TMEM267: variants seen among roughly 807,000 people sequenced by gnomAD.
The protein encoded by TMEM267 is transmembrane protein 267.
Under a neutral mutation model 19.3 loss-of-function variants are expected in TMEM267, and 20 were observed. The ratio of observed to expected loss-of-function variants is 1.04; its 90% confidence interval spans 0.73 to 1.51. The LOEUF (loss-of-function observed/expected upper bound fraction) is 1.51, where lower values mean the gene tolerates loss of function less well. TMEM267 is among the 40% of genes most tolerant of loss of function. The pLI, the probability that TMEM267 is intolerant of heterozygous loss-of-function variation, is 0.00. For missense variants in TMEM267, 242 were observed against 261.9 expected (o/e 0.92, Z 0.52); for synonymous variants, 88 against 90.3 (o/e 0.97, Z 0.15).
At chr5:43,468,753 C>T (rs1161785700) in intron 1 of TMEM267, among the ~76,000 whole-genome samples, 1 of 152,186 alleles carries the variant, frequency 6.6e-6, no homozygotes, top group African/African-American at 2.4e-5. Context: ...ATTTACAGAA[C>T]ATTTCATCTA....
intron 1 of TMEM267, among the ~76,000 whole-genome samples, chr5:43,471,041 G>C (rs1579821324): frequency 6.6e-6 from 1 of 151,498 alleles, no homozygotes; most frequent in Non-Finnish European, 1.5e-5. Context: ...ACTTTAGCCA[G>C]ACTAAGAAAA....
intron 1 of TMEM267, among the ~76,000 whole-genome samples, chr5:43,471,264 A>G (rs960404731): frequency 6.6e-6 from 1 of 152,144 alleles, no homozygotes; most frequent in African/African-American, 2.4e-5. Context: ...TGGAAAGTAT[A>G]AAACAGTGAA....
intron 1 of TMEM267, among the ~76,000 whole-genome samples, chr5:43,482,477 C>T (rs1384619129): frequency 1.3e-5 from 2 of 152,156 alleles, no homozygotes; most frequent in African/African-American, 4.8e-5. Flanking sequence ...ACTCCCGAAC[C>T]TCCTTTTACA....
intron 1 of TMEM267, among the ~76,000 whole-genome samples, chr5:43,474,759 CA>C (rs1175355175): frequency 5.4e-3 from 310 of 57,464 alleles, no homozygotes; most frequent in South Asian, 7.2e-3. Flanking sequence ...AACTCTGTCT[CA>C]AAAAAAAAAA....
intron 1 of TMEM267, among the ~76,000 whole-genome samples, chr5:43,463,166 T>C (rs1221302741): frequency 2.0e-5 from 3 of 152,162 alleles, no homozygotes; most frequent in African/African-American, 4.8e-5. Flanking sequence ...AACACCTCTA[T>C]GCAAATAAAC....
intron 2 of TMEM267, among the ~76,000 whole-genome samples, chr5:43,447,899 G>A (rs6870018): frequency 0.55 from 83,282 of 151,958 alleles, 24,382 homozygotes; most frequent in African/African-American, 0.72. Flanking sequence ...CTTAAGAGTG[G>A]ACCTTCAAGA....
intron 1 of TMEM267, chr5:43,454,491 A>C (rs1023719908): frequency 6.6e-6 from 1 of 152,488 alleles, no homozygotes; most frequent in African/African-American, 2.4e-5. Flanking sequence ...AATGGTGACT[A>C]ATCTAGTAAT....
At chr5:43,468,074 C>T (rs1469491338) in intron 1 of TMEM267, among the ~76,000 whole-genome samples, 1 of 151,194 alleles carries the variant, frequency 6.6e-6, no homozygotes, top group Non-Finnish European at 1.5e-5. Context: ...TTCTCTCGGC[C>T]CTGAGGAAGG....
At position 43,446,575 on chromosome 5, in the gene TMEM267, T is replaced by G. The variant is rs375909375; in HGVS notation, c.313-18A>C. On this transcript the variant is annotated intron_variant, in intron 2 of 2. Transcript: ENST00000397080. ...AAAGCAGCCTGAGGGAGCAAAGTAA[T>G]AGCGAGTATCATTTCCTTTCTAGCA... The G allele has an allele frequency of 6.0e-6, 9 of 1,508,580 alleles. No individual in the cohort carries two copies. Among genetic ancestry groups the G allele is most frequent in the Non-Finnish European group, 6.3e-6 (7 of 1,109,010 alleles). The allele number at this position is 1,508,580 out of a possible 1,614,324, so 93.4% of individuals were successfully genotyped here. A position where few individuals can be genotyped will look rare whatever the true frequency, so the allele number is the denominator to read the frequency against.
chr5:43,465,630 A>T (rs983329600), intron 1 of TMEM267, among the ~76,000 whole-genome samples: 1 of 152,242 alleles, frequency 6.6e-6, no homozygotes, highest in African/African-American at 2.4e-5. Context: ...TGCAGCCATA[A>T]AAAAGGATGA....
intron 1 of TMEM267, among the ~76,000 whole-genome samples, chr5:43,465,570 A>G (rs1031383231): frequency 6.6e-6 from 1 of 152,208 alleles, no homozygotes; most frequent in Non-Finnish European, 1.5e-5. Context: ...ATGTCCAACA[A>G]TGATAGACTG....
chr5:43,453,745 A>T lies in TMEM267; in HGVS notation c.225T>A (p.Thr75=). Residue 75 remains threonine (T), a synonymous_variant, in exon 2 of 3, where the codon ACT becomes ACA. Coordinates refer to ENST00000397080, the MANE Select transcript of TMEM267 (RefSeq NM_022483.5). ...WAVVTGIKKK[T]DFGEIILAGF... is the part of the protein sequence containing the mutation. ...CAGCTAAAATGATTTCTCCAAAGTC[A>T]GTCTTCTTCTTGATTCCAGTGACTA... 1 of 1,614,142 alleles carries T rather than the reference A, an allele frequency of 6.2e-7. No individual in the cohort carries two copies. Among genetic ancestry groups the T allele is most frequent in the South Asian group, 1.1e-5 (1 of 91,090 alleles).
intron 1 of TMEM267, among the ~76,000 whole-genome samples, chr5:43,455,279 T>C (rs6865217): frequency 0.6 from 90,571 of 151,646 alleles, 29,323 homozygotes; most frequent in African/African-American, 0.85. Context: ...AAAAATTAGC[T>C]AGGCGTGGTG....
chr5:43,452,601 A>G (rs1742673736), intron 2 of TMEM267, among the ~76,000 whole-genome samples: 1 of 151,784 alleles, frequency 6.6e-6, no homozygotes, highest in African/African-American at 2.4e-5. Flanking sequence ...AAAAAAAAAA[A>G]ACTGAAGAAA....
chr5:43,462,043 A>G (rs577068374), intron 1 of TMEM267, among the ~76,000 whole-genome samples: 1 of 152,368 alleles, frequency 6.6e-6, no homozygotes, highest in South Asian at 2.1e-4. Flanking sequence ...TTGTGGCCAC[A>G]GGGGTGCTTG....
At chr5:43,449,986 C>T (rs867364405) in intron 2 of TMEM267, among the ~76,000 whole-genome samples, 3 of 150,306 alleles carry the variant, frequency 2.0e-5, no homozygotes, top group African/African-American at 4.9e-5. Flanking sequence ...ATCAATGTAG[C>T]GTTTTTTTTT....
chr5:43,465,617 C>T (rs537016383), intron 1 of TMEM267, among the ~76,000 whole-genome samples: 10 of 152,292 alleles, frequency 6.6e-5, no homozygotes, highest in African/African-American at 1.7e-4. Context: ...CCATGGAATA[C>T]TATGCAGCCA....
Position 43,453,785 on chromosome 5 carries a change from A to G in TMEM267, c.185T>C (p.Met62Thr). The change falls in exon 2 of 3, where the codon ATG (methionine) becomes ACG (threonine). Residue 62 changes from methionine (M) to threonine (T), a missense_variant. Coordinates refer to ENST00000397080, the MANE Select transcript of TMEM267 (RefSeq NM_022483.5). Reference protein sequence around the residue: ...SDNAVHCVIGMWSWAVVTGIK... With the variant: ...SDNAVHCVIGTWSWAVVTGIK... ...TCCAGTGACTACCGCCCATGACCAC[A>G]TGCCAATTACACAATGTACTGCATT... The G allele has an allele frequency of 6.2e-7, 1 of 1,614,166 alleles. No homozygotes were observed. The highest frequency in any genetic ancestry group is 1.3e-5 in the African/African-American group (1 of 75,064).
chr5:43,483,345 T>C (rs1318386494), intron 1 of TMEM267, among the ~76,000 whole-genome samples: 1 of 152,188 alleles, frequency 6.6e-6, no homozygotes, highest in Non-Finnish European at 1.5e-5. Context: ...TTTTCAAATG[T>C]CATTTAAAAA....
Sources: gnomAD v4.1 joint callset for allele counts (sites outside exome capture counted in the v4.1 genomes callset) on GRCh38, gnomAD v4.1.1 for gene constraint, MANE v1.5 for transcripts, NCBI Gene and HGNC (gene_info 2026-07-23, HGNC 2026-07-21) for gene names.